The following PDZRN3 variants were observed in gnomAD, a reference collection of about 807,000 sequenced individuals.
PDZRN3 encodes PDZ domain containing ring finger 3, also known as E3 ubiquitin-protein ligase PDZRN3.
PDZRN3 carries 38 observed loss-of-function variants against 85.7 expected under a neutral mutation model. The observed-to-expected ratio is 0.44, with a 90% CI of 0.34 to 0.58. PDZRN3 has a LOEUF of 0.58. PDZRN3 is among the 20% of genes least tolerant of loss of function. The probability of loss-of-function intolerance (pLI) is 0.01; values close to 1 mark genes in which losing one functional copy is unlikely to be tolerated. For missense variants in PDZRN3, 1,629 were observed against 1,506.4 expected (o/e 1.08, Z -1.35); for synonymous variants, 759 against 638.0 (o/e 1.19, Z -2.86).
At chr3:73,454,487 G>C (rs1702939469) in intron 3 of PDZRN3, among the ~76,000 whole-genome samples, 1 of 152,162 alleles carries the variant, frequency 6.6e-6, no homozygotes, top group Non-Finnish European at 1.5e-5. Flanking sequence ...TCGTCCAAGA[G>C]TTCCTGATAC....
At chr3:73,581,212 G>T (rs1702198130) in intron 3 of PDZRN3, among the ~76,000 whole-genome samples, 1 of 152,192 alleles carries the variant, frequency 6.6e-6, no homozygotes, top group South Asian at 2.1e-4. Flanking sequence ...CTGATGGTTT[G>T]CTTATGATGT....
At chr3:73,462,755 T>A (rs1461004350) in intron 3 of PDZRN3, among the ~76,000 whole-genome samples, 1 of 152,148 alleles carries the variant, frequency 6.6e-6, no homozygotes, top group Non-Finnish European at 1.5e-5. Flanking sequence ...ACAGCCATCG[T>A]TTAAGTGGCC....
intron 3 of PDZRN3, among the ~76,000 whole-genome samples, chr3:73,529,596 T>C (rs191850639): frequency 1.5e-4 from 23 of 152,346 alleles, no homozygotes; most frequent in African/African-American, 5.1e-4. Flanking sequence ...GCAAAGCACT[T>C]TGTTAAGCAA....
chr3:73,485,032 C>T (rs1703638147), intron 3 of PDZRN3, among the ~76,000 whole-genome samples: 1 of 152,022 alleles, frequency 6.6e-6, no homozygotes, highest in South Asian at 2.1e-4. Flanking sequence ...TTCCTTTGCC[C>T]CAAGTAAGCG....
chr3:73,513,745 T>C (rs1221088568), intron 3 of PDZRN3, among the ~76,000 whole-genome samples: 1 of 152,218 alleles, frequency 6.6e-6, no homozygotes, highest in African/African-American at 2.4e-5. Context: ...ACTCTCCCAC[T>C]AGACTAAAAT....
In PDZRN3 at chr3:73,444,274, G is replaced by A. The variant is rs150748903; in HGVS notation, c.919-39879C>T. Among the ~76,000 whole-genome samples, 173 of 152,306 alleles carry A rather than the reference G, an allele frequency of 1.1e-3. No individual in the cohort carries two copies. In the East Asian group the frequency reaches 0.017, roughly 15 times the overall value. On this transcript the variant is annotated intron_variant, in intron 3 of 9. Transcript: ENST00000263666. The stretch of plus-strand genomic sequence containing the variant: ...AAAGCCCACCCCAATTTGTCCATCA[G>A]AATTGATCTCTAGCTCCCAGGTGCT...
intron 3 of PDZRN3, among the ~76,000 whole-genome samples, chr3:73,473,964 G>A (rs1703399319): frequency 6.6e-6 from 1 of 152,304 alleles, no homozygotes; most frequent in Non-Finnish European, 1.5e-5. Flanking sequence ...CTAGGTGTTG[G>A]AGTAATTTAT....
chr3:73,609,326 C>A (rs1702649456), intron 1 of PDZRN3, among the ~76,000 whole-genome samples: 1 of 152,070 alleles, frequency 6.6e-6, no homozygotes, highest in Non-Finnish European at 1.5e-5. Flanking sequence ...TAAGGCTGGT[C>A]AATGTGACCT....
chr3:73,576,000 G>A (rs1282133547), intron 3 of PDZRN3, among the ~76,000 whole-genome samples: 4 of 152,066 alleles, frequency 2.6e-5, no homozygotes, highest in Non-Finnish European at 4.4e-5. Flanking sequence ...AGGAGGACAG[G>A]AGAAAAAGAG....
In PDZRN3 at chr3:73,510,935, G is replaced by A. The variant is rs114209845; in HGVS notation, c.918+91419C>T. On this transcript the variant is annotated intron_variant, in intron 3 of 9. Coordinates refer to ENST00000263666, the MANE Select transcript of PDZRN3 (RefSeq NM_015009.3). ...TATACTCATCTATTTTCAGACCATGGTTGACCACAAGCAGCTGAAACCTTG... is the reference window on the plus strand; with the variant it reads ...TATACTCATCTATTTTCAGACCATGATTGACCACAAGCAGCTGAAACCTTG... Among the ~76,000 whole-genome samples, 512 of 152,188 alleles carry A rather than the reference G, an allele frequency of 3.4e-3. 4 individuals carry two copies. The highest frequency in any genetic ancestry group is 0.012 in the African/African-American group (495 of 41,526).
intron 3 of PDZRN3, among the ~76,000 whole-genome samples, chr3:73,590,579 G>T (rs2106879292): frequency 6.6e-6 from 1 of 152,180 alleles, no homozygotes; most frequent in Non-Finnish European, 1.5e-5. Flanking sequence ...AAAGAAAGTA[G>T]TTCTTTTTTC....
chr3:73,439,808 G>A (rs145665511), intron 3 of PDZRN3, among the ~76,000 whole-genome samples: 50 of 151,228 alleles, frequency 3.3e-4, no homozygotes, highest in Middle Eastern at 3.4e-3. Flanking sequence ...GTGTGATCTC[G>A]GCTCACTGCA....
intron 1 of PDZRN3, among the ~76,000 whole-genome samples, chr3:73,620,892 T>C (rs1702848160): frequency 6.6e-6 from 1 of 152,224 alleles, no homozygotes; most frequent in Non-Finnish European, 1.5e-5. Context: ...GTCTGGGTTT[T>C]AAAATTTTAT....
intron 3 of PDZRN3, among the ~76,000 whole-genome samples, chr3:73,601,903 G>A (rs182148602): frequency 1.3e-5 from 2 of 152,072 alleles, no homozygotes; most frequent in Non-Finnish European, 1.5e-5. Flanking sequence ...AACTAACAGA[G>A]AGAACAATGC....
At position 73,624,697 on chromosome 3, in the gene PDZRN3, C is replaced by G; in HGVS notation, c.129G>C (p.Leu43=). Residue 43 remains leucine, a synonymous_variant, in exon 1 of 10, where the codon CTG becomes CTC. Coordinates refer to ENST00000263666, the MANE Select transcript of PDZRN3 (RefSeq NM_015009.3). ...AGCTGCCCTCCTGCACCACCCAGGG[C>G]AGCACGCAGCCGGCGCAGAAGACGT... ...CGHVFCAGCV[L]PWVVQEGSCP... 6.6e-7 allele frequency: 1 copy of G among 1,526,344 alleles called. No homozygotes were observed. Among genetic ancestry groups the G allele is most frequent in the Non-Finnish European group, 8.7e-7 (1 of 1,143,044 alleles). 94.6% of individuals were successfully genotyped at this position (1,526,344 alleles called of 1,614,324 possible).
rs1366928583 is a variant in PDZRN3, at chr3:73,384,782, G to A, written c.1784C>T (p.Ala595Val). 6.2e-7 allele frequency: 1 copy of A among 1,613,982 alleles called. No individual in the cohort carries two copies. Residue 595 changes from alanine (A) to valine (V), a missense_variant, in exon 10 of 10, where the codon GCA becomes GTA. Coordinates refer to ENST00000263666, the MANE Select transcript of PDZRN3 (RefSeq NM_015009.3). ...CTGCCCCGCCAGCGGGTTGGAGGATGCGGTGGCGTCGTCGCCATTGTTCTC... is the reference window on the plus strand; with the variant it reads ...CTGCCCCGCCAGCGGGTTGGAGGATACGGTGGCGTCGTCGCCATTGTTCTC... ...EQENNGDDATASSNPLAGQRK... is the reference protein window; with the variant it reads ...EQENNGDDATVSSNPLAGQRK...
intron 3 of PDZRN3, among the ~76,000 whole-genome samples, chr3:73,599,903 T>C (rs1702486387): frequency 6.6e-6 from 1 of 152,262 alleles, no homozygotes; most frequent in African/African-American, 2.4e-5. Context: ...GGCATATTGA[T>C]ATATTTTATT....
chr3:73,568,110 G>A (rs999950725), intron 3 of PDZRN3, among the ~76,000 whole-genome samples: 10 of 152,108 alleles, frequency 6.6e-5, no homozygotes, highest in African/African-American at 2.4e-4. Context: ...ATAAGAAGGA[G>A]CCAGCCAAGG....
chr3:73,454,549 T>C (rs1351143524), intron 3 of PDZRN3, among the ~76,000 whole-genome samples: 1 of 152,216 alleles, frequency 6.6e-6, no homozygotes, highest in Non-Finnish European at 1.5e-5. Flanking sequence ...GATTTACTTG[T>C]TTGCTTTGCC....
Sources: allele counts gnomAD v4.1 joint callset (sites outside exome capture counted in the v4.1 genomes callset), GRCh38; gene constraint gnomAD v4.1.1; transcripts MANE v1.5; gene names NCBI Gene and HGNC (gene_info 2026-07-23, HGNC 2026-07-21).